Variants in ARIH2 observed in about 807,000 individuals in gnomAD.
The protein encoded by ARIH2 is E3 ubiquitin-protein ligase ARIH2.
In ARIH2, 12 loss-of-function variants were observed where a neutral mutation model predicts 79.8. The observed-to-expected ratio is 0.15, with a 90% CI of 0.10 to 0.24. ARIH2 has a LOEUF of 0.24. ARIH2 is among the 10% of genes least tolerant of loss of function. The pLI is 1.00. For missense variants in ARIH2, 301 were observed against 618.3 expected, an observed-to-expected ratio of 0.49 and a Z score of 5.44; for synonymous variants, 224 against 213.9, an observed-to-expected ratio of 1.05 and a Z score of -0.41.
In ARIH2 at chr3:48,964,804, C is replaced by G. The variant is rs1174661058; in HGVS notation, c.324-115C>G. The G allele has an allele frequency of 3.9e-6, 3 of 766,082 alleles. No homozygotes were observed. The African/African-American group carries it at 5.2e-5, about 13-fold the overall frequency. The allele number at this position is 766,082 out of a possible 1,614,324, so 47.5% of individuals were successfully genotyped here. A position where few individuals can be genotyped will look rare whatever the true frequency, so the allele number is the denominator to read the frequency against. On this transcript the variant is annotated intron_variant, in intron 4 of 15. Coordinates refer to ENST00000356401, the MANE Select transcript of ARIH2 (RefSeq NM_006321.4). ...TACTGAGATAAAAGGAAGCTTAGTTCTGTGAGAAAGTAGAGACAAAGATGC... is the reference window on the plus strand; with the variant it reads ...TACTGAGATAAAAGGAAGCTTAGTTGTGTGAGAAAGTAGAGACAAAGATGC...
intron 3 of ARIH2, among the ~76,000 whole-genome samples, chr3:48,960,091 C>T (rs1427942630): frequency 6.6e-6 from 1 of 152,188 alleles, no homozygotes; most frequent in Non-Finnish European, 1.5e-5. Flanking sequence ...AAATATGTTC[C>T]TACTTTCTCC....
chr3:48,940,802 A>ATATATATAT (rs1426820837), intron 3 of ARIH2, among the ~76,000 whole-genome samples: 1 of 102,846 alleles, frequency 9.7e-6, no homozygotes, highest in African/African-American at 3.4e-5. Flanking sequence ...CTCAAAAAAA[A>ATATATATAT]AAAAAAATAT....
At chr3:48,971,014 G>A (rs1246086431) in intron 8 of ARIH2, among the ~76,000 whole-genome samples, 1 of 152,214 alleles carries the variant, frequency 6.6e-6, no homozygotes, top group African/African-American at 2.4e-5. Context: ...ACATATTACT[G>A]TGTTTGAAAG....
intron 3 of ARIH2, among the ~76,000 whole-genome samples, chr3:48,939,662 G>A (rs1157727546): frequency 6.7e-6 from 1 of 150,188 alleles, no homozygotes; most frequent in African/African-American, 2.5e-5. Context: ...GGAGGCTGAG[G>A]CAGGAGAATG....
chr3:48,962,125 T>G (rs2091333985), intron 4 of ARIH2, among the ~76,000 whole-genome samples: 1 of 152,072 alleles, frequency 6.6e-6, no homozygotes, highest in South Asian at 2.1e-4. Context: ...GCCTGTAATC[T>G]CAGCACTTTG....
chr3:48,953,819 C>T (rs2090273190), intron 3 of ARIH2, among the ~76,000 whole-genome samples: 1 of 152,136 alleles, frequency 6.6e-6, no homozygotes. Flanking sequence ...ACCTTAGCCT[C>T]CTGAGTAGCT....
At chr3:48,970,918 G>C in intron 8 of ARIH2, 1 of 456,242 alleles carries the variant, frequency 2.2e-6, no homozygotes, top group South Asian at 2.6e-5. Flanking sequence ...AAGTGACACA[G>C]GTTCTTGGAA....
chr3:48,929,582 C>T (rs1323729496), intron 3 of ARIH2, among the ~76,000 whole-genome samples: 5 of 152,108 alleles, frequency 3.3e-5, no homozygotes, highest in African/African-American at 4.8e-5. Context: ...GAATACAGCT[C>T]GTTTATTTTT....
At chr3:48,971,204 C>T (rs2092212114) in intron 8 of ARIH2, among the ~76,000 whole-genome samples, 3 of 152,250 alleles carry the variant, frequency 2.0e-5, no homozygotes, top group Admixed American at 2.0e-4. Context: ...TGATCACTTA[C>T]CCTGCATTAT....
chr3:48,977,747 G>A (rs894353762), intron 11 of ARIH2, among the ~76,000 whole-genome samples: 1 of 152,142 alleles, frequency 6.6e-6, no homozygotes, highest in Non-Finnish European at 1.5e-5. Context: ...GTGAGGCACC[G>A]TGCCCGGCCT....
At chr3:48,973,599 AG>A in intron 8 of ARIH2, 99 bp from the exon 9 acceptor site, 1 of 799,012 alleles carries the variant, frequency 1.3e-6, no homozygotes, top group Middle Eastern at 2.5e-4. Context: ...AAAAGAAAAA[AG>A]CTCTAATTCA....
chr3:48,985,394 A>G lies in ARIH2; in HGVS notation c.*2124A>G, dbSNP rs1202773770. On this transcript the variant is annotated 3_prime_UTR_variant, in exon 16 of 16. Coordinates refer to ENST00000356401, the MANE Select transcript of ARIH2 (RefSeq NM_006321.4). Reference sequence around the variant, plus strand: ...GTCAGGCAGAATTTTTCTGCCCTACAAAGGGTGGAAGAGAAAGGACACAGT... The same window carrying G: ...GTCAGGCAGAATTTTTCTGCCCTACGAAGGGTGGAAGAGAAAGGACACAGT... The G allele has an allele frequency of 6.6e-6, 1 of 152,224 alleles. No individual in the cohort carries two copies. The highest frequency in any genetic ancestry group is 1.5e-5 in the Non-Finnish European group (1 of 68,034). The allele number at this position is 152,224 out of a possible 1,614,324, so 9.4% of individuals were successfully genotyped here.
chr3:48,982,164 T>C (rs2092773604), intron 14 of ARIH2, among the ~76,000 whole-genome samples: 2 of 152,246 alleles, frequency 1.3e-5, no homozygotes, highest in Admixed American at 1.3e-4. Context: ...CATTTTTGTT[T>C]AAATGCTGGA....
intron 3 of ARIH2, among the ~76,000 whole-genome samples, chr3:48,938,418 T>C (rs1293501494): frequency 6.6e-6 from 1 of 151,836 alleles, no homozygotes; most frequent in Non-Finnish European, 1.5e-5. Flanking sequence ...TTCTCAGCAG[T>C]ATGAAAGAAT....
At chr3:48,925,277 C>A (rs2085405600) in intron 2 of ARIH2, 1 of 151,488 alleles carries the variant, frequency 6.6e-6, no homozygotes, top group African/African-American at 2.4e-5. Context: ...CTATGCCCGG[C>A]TAATTTTTTG....
intron 3 of ARIH2, among the ~76,000 whole-genome samples, chr3:48,960,817 T>G (rs1014485801): frequency 3.9e-5 from 6 of 152,020 alleles, no homozygotes; most frequent in African/African-American, 1.4e-4. Context: ...AAAATAACCA[T>G]GTAGTAGTCC....
At chr3:48,975,566 C>G (rs900930358) in intron 11 of ARIH2, among the ~76,000 whole-genome samples, 1 of 142,870 alleles carries the variant, frequency 7.0e-6, no homozygotes, top group Non-Finnish European at 1.5e-5. Context: ...CTGACAGTTT[C>G]TTTTTTTTTT....
chr3:48,970,745 C>A, intron 8 of ARIH2, 41 bp downstream of exon 8: 1 of 1,476,668 alleles, frequency 6.8e-7, no homozygotes, highest in Non-Finnish European at 9.5e-7. Flanking sequence ...TGGGCTCATG[C>A]CCCATCCTCC....
intron 2 of ARIH2, among the ~76,000 whole-genome samples, chr3:48,926,423 A>T (rs1350991076): frequency 6.6e-6 from 1 of 151,958 alleles, no homozygotes; most frequent in African/African-American, 2.4e-5. Flanking sequence ...GCCTGTCACC[A>T]CGCCTGCTTA....
Sources: gnomAD v4.1 joint callset for allele counts (sites outside exome capture counted in the v4.1 genomes callset) on GRCh38, gnomAD v4.1.1 for gene constraint, MANE v1.5 for transcripts, NCBI Gene and HGNC (gene_info 2026-07-23, HGNC 2026-07-21) for gene names.